Variants in SERAC1 observed in about 807,000 individuals in gnomAD.
SERAC1 encodes the protein serine active site containing 1.
Under a neutral mutation model 85.7 loss-of-function variants are expected in SERAC1, and 36 were observed. The ratio of observed to expected loss-of-function variants is 0.42; its 90% CI spans 0.32 to 0.55. The LOEUF is 0.55. Ranked by LOEUF, SERAC1 falls within the 20% of genes least tolerant of loss-of-function variation. SERAC1 has a pLI of 0.11. For synonymous variants in SERAC1, 242 were observed against 265.3 expected (o/e 0.91, Z 0.85); for missense variants, 629 against 796.2 (o/e 0.79, Z 2.53).
chr6:158,137,020 T>C (rs933088072), intron 8 of SERAC1, among the ~76,000 whole-genome samples: 3 of 152,020 alleles, frequency 2.0e-5, no homozygotes, highest in Admixed American at 2.0e-4. Context: ...CAGCTGGGCA[T>C]GGTGGCTCGC....
At chr6:158,137,427 A>G (rs1276299353) in intron 8 of SERAC1, among the ~76,000 whole-genome samples, 2 of 152,124 alleles carry the variant, frequency 1.3e-5, no homozygotes, top group Non-Finnish European at 2.9e-5. Context: ...AAAAAAAAAT[A>G]CTAAAAACAA....
intron 6 of SERAC1, 145 bp downstream of exon 6, chr6:158,146,637 C>G (rs1785066150): frequency 1.1e-6 from 1 of 945,980 alleles, no homozygotes; most frequent in African/African-American, 1.7e-5. Context: ...GTCTTGAACT[C>G]CTGACCTTGT....
At chr6:158,128,709 G>A (rs919206308) in intron 9 of SERAC1, among the ~76,000 whole-genome samples, 14 of 152,110 alleles carry the variant, frequency 9.2e-5, no homozygotes, top group African/African-American at 3.4e-4. Context: ...ACTCACACAG[G>A]GCGAGACCAG....
chr6:158,147,104 C>T lies in SERAC1; in HGVS notation c.356-191G>A, dbSNP rs7763024. ...TTATCTTTTACAGTTATTATGAATA[C>T]TGTGTGTGCTTTTTTTTGGATGGGG... On this transcript the variant is annotated intron_variant, in intron 5 of 16. Coordinates refer to ENST00000647468, the MANE Select transcript of SERAC1 (RefSeq NM_032861.4). Among the ~76,000 whole-genome samples the T allele has an allele frequency of 0.035, 5,320 of 151,840 alleles. 297 individuals are homozygous for T. The highest frequency in any genetic ancestry group is 0.12 in the African/African-American group (5,019 of 41,354).
chr6:158,139,203 C>T (rs1452847032), intron 8 of SERAC1, among the ~76,000 whole-genome samples: 2 of 152,110 alleles, frequency 1.3e-5, no homozygotes, highest in Non-Finnish European at 1.5e-5. Flanking sequence ...CCATACCTGC[C>T]CAGACTTCAT....
intron 8 of SERAC1, among the ~76,000 whole-genome samples, chr6:158,142,352 C>T (rs1052621206): frequency 6.6e-6 from 1 of 151,900 alleles, no homozygotes; most frequent in East Asian, 1.9e-4. Flanking sequence ...TTTAAAGAGA[C>T]GGGGGTCGCA....
intron 8 of SERAC1, among the ~76,000 whole-genome samples, chr6:158,134,513 C>A (rs1350699887): frequency 6.6e-6 from 1 of 152,066 alleles, no homozygotes; most frequent in African/African-American, 2.4e-5. Context: ...CACAGCCAAA[C>A]CTGGGACAAT....
intron 2 of SERAC1, among the ~76,000 whole-genome samples, chr6:158,156,830 T>C (rs908638663): frequency 7.5e-6 from 1 of 133,244 alleles, no homozygotes; most frequent in East Asian, 2.0e-4. Context: ...TATATTAATA[T>C]ATTATATAAA....
At chr6:158,139,597 C>T (rs544438327) in intron 8 of SERAC1, among the ~76,000 whole-genome samples, 2 of 152,316 alleles carry the variant, frequency 1.3e-5, no homozygotes, top group South Asian at 2.1e-4. Context: ...TGGTGGCTCA[C>T]ACCTGTAGCC....
At chr6:158,150,668 G>A in intron 3 of SERAC1, 79 bp from the exon 4 acceptor site, 1 of 1,072,426 alleles carries the variant, frequency 9.3e-7, no homozygotes, top group Non-Finnish European at 1.4e-6. Context: ...TATTAAGCTT[G>A]TCATAGTAAA....
intron 8 of SERAC1, among the ~76,000 whole-genome samples, chr6:158,137,717 A>T (rs1335084397): frequency 6.6e-6 from 1 of 152,032 alleles, no homozygotes; most frequent in Non-Finnish European, 1.5e-5. Context: ...CTCTACCAAA[A>T]ATACAAAAAA....
chr6:158,130,957 C>T (rs941297585), intron 8 of SERAC1, among the ~76,000 whole-genome samples: 10 of 152,158 alleles, frequency 6.6e-5, no homozygotes, highest in Non-Finnish European at 1.2e-4. Context: ...ACAGAGCTTT[C>T]AATTCTTCTT....
At chr6:158,155,117 C>T (rs537514547) in intron 3 of SERAC1, among the ~76,000 whole-genome samples, 198 bp downstream of exon 3, 4 of 152,124 alleles carry the variant, frequency 2.6e-5, no homozygotes, top group Non-Finnish European at 4.4e-5. Context: ...ACATTTGGCT[C>T]CAAGAGAAAG....
chr6:158,127,253 G>GTATATAAA (rs1174368727), intron 10 of SERAC1, among the ~76,000 whole-genome samples: 10 of 38,060 alleles, frequency 2.6e-4, no homozygotes, highest in Admixed American at 3.9e-4. Context: ...AACATATCTC[G>GTATATAAA]GCCCCCCCGC....
chr6:158,120,628 C>G lies in SERAC1; in HGVS notation c.1016-53G>C, dbSNP rs1784398164. ...ACTGATGTGAATCCATCGCAGACCA[C>G]AGAGAGAGTGAGGTTTCAAACTGAA... On this transcript the variant is annotated intron_variant, in intron 10 of 16. Transcript: ENST00000647468. This position sits in a 1 kb window ranked among gnomAD's most constrained non-coding sequence, Gnocchi z 4.4. The G allele has an allele frequency of 6.4e-7, 1 of 1,571,128 alleles. No homozygotes were observed. Among genetic ancestry groups the G allele is most frequent in the East Asian group, 2.3e-5 (1 of 44,128 alleles).
chr6:158,116,414 C>T (rs1784291566), intron 13 of SERAC1, 132 bp from the exon 14 acceptor site: 2 of 663,078 alleles, frequency 3.0e-6, no homozygotes, highest in Non-Finnish European at 5.3e-6. Flanking sequence ...AGAAATACCC[C>T]CATTCTCTCT....
intron 6 of SERAC1, 83 bp from the exon 7 acceptor site, chr6:158,144,503 G>T: frequency 7.4e-7 from 1 of 1,353,846 alleles, no homozygotes; most frequent in South Asian, 1.5e-5. Context: ...CAACTTGAAA[G>T]CACTCTAATT....
At chr6:158,145,713 G>A (rs1785039993) in intron 6 of SERAC1, among the ~76,000 whole-genome samples, 3 of 151,834 alleles carry the variant, frequency 2.0e-5, no homozygotes, top group Non-Finnish European at 4.4e-5. Flanking sequence ...AGTAGAGACA[G>A]GGTTTTGCCA....
At chr6:158,118,618 CAAAAAAA>C (rs576637812) in intron 12 of SERAC1, among the ~76,000 whole-genome samples, 1 of 90,394 alleles carries the variant, frequency 1.1e-5, no homozygotes, top group Admixed American at 1.3e-4. Flanking sequence ...ACCCTCATCT[CAAAAAAA>C]AAAAAAAAAA....
Sources: allele counts gnomAD v4.1 joint callset (sites outside exome capture counted in the v4.1 genomes callset), GRCh38; gene constraint gnomAD v4.1.1; non-coding constraint Gnocchi (gnomAD v3.1); transcripts MANE v1.5; gene names NCBI Gene and HGNC (gene_info 2026-07-23, HGNC 2026-07-21).